Variants in ECI1 observed in about 807,000 individuals in gnomAD.
ECI1 encodes the protein enoyl-CoA delta isomerase 1, mitochondrial.
In ECI1, 34 loss-of-function variants were observed where a neutral mutation model predicts 34.2. The observed-to-expected ratio is 1.00, with a 90% CI of 0.76 to 1.33. ECI1 has a LOEUF of 1.33. ECI1 is among the 40% of genes most tolerant of loss of function. The probability of loss-of-function intolerance (pLI) is 0.00; values close to 1 mark genes in which losing one functional copy is unlikely to be tolerated. For missense variants in ECI1, 456 were observed against 422.2 expected, an observed-to-expected ratio of 1.08 and a Z score of -0.70; for synonymous variants, 211 against 193.0, an observed-to-expected ratio of 1.09 and a Z score of -0.77.
chr16:2,247,323 T>C (rs192398746), intron 2 of ECI1, among the ~76,000 whole-genome samples: 237 of 152,292 alleles, frequency 1.6e-3, no homozygotes, highest in Middle Eastern at 3.4e-3. Flanking sequence ...GCTCGATCTC[T>C]TGACCTCGCG....
chr16:2,243,480 T>C (rs2093533318), intron 4 of ECI1, 41 bp from the exon 5 acceptor site: 1 of 1,605,326 alleles, frequency 6.2e-7, no homozygotes, highest in Non-Finnish European at 8.5e-7. Flanking sequence ...GTGCTGCTGG[T>C]CCCAACCACA....
Position 2,239,573 on chromosome 16 carries a change from G to C in ECI1, c.*406C>G. 2 of 328,044 alleles carry C rather than the reference G, an allele frequency of 6.1e-6. No individual in the cohort carries two copies. Among genetic ancestry groups the C allele is most frequent in the Non-Finnish European group, 1.2e-5 (2 of 168,158 alleles). 20.3% of individuals were successfully genotyped at this position (328,044 alleles called of 1,614,324 possible). On this transcript the variant is annotated 3_prime_UTR_variant, in exon 7 of 7. Transcript: ENST00000301729. ...GGCAGTGACCAAAGGGCTTTTCCCT[G>C]GGGAGTTCTGTGTGGGTCATGGGGG...
chr16:2,244,555 G>T lies in ECI1; in HGVS notation c.295-3C>A. On this transcript the variant is annotated splice_region_variant and splice_polypyrimidine_tract_variant and intron_variant, in intron 3 of 6. Coordinates refer to ENST00000301729, the MANE Select transcript of ECI1 (RefSeq NM_001919.4). ...GCCGAGAAGACACCCGGGCGGTCCT[G>T]CAGGGGGAGCCGGGGCCACATGCCC... 6.3e-7 allele frequency: 1 copy of T among 1,579,130 alleles called. No individual in the cohort carries two copies. The highest frequency in any genetic ancestry group is 1.2e-5 in the South Asian group (1 of 86,518).
chr16:2,248,697 A>G lies in ECI1; in HGVS notation c.167-1711T>C, dbSNP rs535734403. Among the ~76,000 whole-genome samples the G allele has an allele frequency of 6.6e-5, 10 of 152,314 alleles. No homozygotes were observed. In the East Asian group the frequency reaches 1.9e-3, roughly 29 times the overall value. On this transcript the variant is annotated intron_variant, in intron 2 of 6. Transcript: ENST00000301729. ...CCAAAGTGATGTGATTATAGGTATGAGCCACTGTGCCCAGCCTAAATTAGC... is the reference window on the plus strand; with the variant it reads ...CCAAAGTGATGTGATTATAGGTATGGGCCACTGTGCCCAGCCTAAATTAGC...
chr16:2,242,913 C>A lies in ECI1; in HGVS notation c.742+133G>T. 3 of 744,652 alleles carry A rather than the reference C, an allele frequency of 4.0e-6. No homozygotes were observed. The South Asian group carries it at 4.7e-5, about 12-fold the overall frequency. 46.1% of individuals were successfully genotyped at this position (744,652 alleles called of 1,614,324 possible). A position where few individuals can be genotyped will look rare whatever the true frequency, so the allele number is the denominator to read the frequency against. ...CCCGGTCTGTGCTGCGTTGTTACAGCAGCCTCCTGACACCCACATGGCTGT... is the reference window on the plus strand; with the variant it reads ...CCCGGTCTGTGCTGCGTTGTTACAGAAGCCTCCTGACACCCACATGGCTGT... On this transcript the variant is annotated intron_variant, in intron 6 of 6. Transcript: ENST00000301729.
chr16:2,244,564 G>C lies in ECI1; in HGVS notation c.295-12C>G. ...ACACCCGGGCGGTCCTGCAGGGGGA[G>C]CCGGGGCCACATGCCCATCAGAGTC... On this transcript the variant is annotated splice_polypyrimidine_tract_variant and intron_variant, in intron 3 of 6. Transcript: ENST00000301729. 6.4e-7 allele frequency: 1 copy of C among 1,573,182 alleles called. No individual in the cohort carries two copies. The highest frequency in any genetic ancestry group is 1.2e-5 in the South Asian group (1 of 85,956).
In ECI1 at chr16:2,244,450, G is replaced by A; in HGVS notation, c.397C>T (p.Leu133=). 1 of 1,612,338 alleles carries A rather than the reference G, an allele frequency of 6.2e-7. No individual in the cohort carries two copies. Among genetic ancestry groups the A allele is most frequent in the Non-Finnish European group, 8.5e-7 (1 of 1,179,740 alleles). ...GYWKAVQELW[L]RLYQSNLVLV... is the part of the protein sequence containing the mutation. Reference sequence around the variant, plus strand: ...ACCAGGTTGGACTGGTACAACCGCAGCCACAGCTCCTGAACGGCCTTCCAG... The same window carrying A: ...ACCAGGTTGGACTGGTACAACCGCAACCACAGCTCCTGAACGGCCTTCCAG... The change falls in exon 4 of 7, where the codon CTG becomes TTG. Residue 133 remains leucine (L), a synonymous_variant. Coordinates refer to ENST00000301729, the MANE Select transcript of ECI1 (RefSeq NM_001919.4).
intron 4 of ECI1, chr16:2,244,011 G>A (rs972804902): frequency 2.9e-6 from 1 of 347,430 alleles, no homozygotes; most frequent in Non-Finnish European, 5.6e-6. Flanking sequence ...CACCCCGCAG[G>A]ACACCCTGGT....
rs2093532938 is a variant in ECI1 at position 2,243,388 on chromosome 16, T to G, written c.493A>C (p.Ile165Leu). The G allele has an allele frequency of 6.2e-7, 1 of 1,613,602 alleles. No individual in the cohort carries two copies. The highest frequency in any genetic ancestry group is 1.3e-5 in the African/African-American group (1 of 75,046). The change falls in exon 5 of 7, where the codon ATC (isoleucine) becomes CTC (leucine). Residue 165 changes from isoleucine to leucine, a missense_variant. Coordinates refer to ENST00000301729, the MANE Select transcript of ECI1 (RefSeq NM_001919.4). ...CAGTACCTGGGGTTGTCCGCCAGGATGCGGTAGTCACAGGTCAGGGCCACC... is the reference window on the plus strand; with the variant it reads ...CAGTACCTGGGGTTGTCCGCCAGGAGGCGGTAGTCACAGGTCAGGGCCACC... ...CLVALTCDYRILADNPRYCIG... is the reference protein window; with the variant it reads ...CLVALTCDYRLLADNPRYCIG...
At position 2,244,418 on chromosome 16, in the gene ECI1, G is replaced by GC; in HGVS notation, c.428_429insG (p.Ser144LeufsTer19). On this transcript the variant is annotated frameshift_variant, in exon 4 of 7. Transcript: ENST00000301729. LOFTEE classifies it high-confidence loss of function. ...TGGGGACACTCACGTTGATGGCGGA[G>GC]ACCAGCACCAGGTTGGACTGGTACA... is the stretch of plus-strand genomic sequence containing the variant. The GC allele has an allele frequency of 1.9e-6, 3 of 1,612,516 alleles. No homozygotes were observed. Among genetic ancestry groups the GC allele is most frequent in the Non-Finnish European group, 2.5e-6 (3 of 1,179,850 alleles).
chr16:2,251,467 T>C (rs915951596), intron 1 of ECI1, 38 bp from the exon 2 acceptor site: 1 of 1,536,708 alleles, frequency 6.5e-7, no homozygotes, highest in Non-Finnish European at 8.7e-7. Flanking sequence ...TAGTTCCCGG[T>C]CCTGGCCCCG....
chr16:2,244,592 C>A, intron 3 of ECI1, 40 bp from the exon 4 acceptor site: 1 of 1,558,142 alleles, frequency 6.4e-7, no homozygotes, highest in East Asian at 2.4e-5. Context: ...TCAGAGTCCA[C>A]CTCCCAGCTG....
intron 3 of ECI1, among the ~76,000 whole-genome samples, chr16:2,246,108 C>T (rs145601201): frequency 3.3e-5 from 5 of 152,280 alleles, no homozygotes; most frequent in East Asian, 1.9e-4. Flanking sequence ...AGCCAATGCC[C>T]GCTTCTCCTC....
intron 2 of ECI1, among the ~76,000 whole-genome samples, chr16:2,251,066 C>T (rs1397448535): frequency 1.3e-5 from 2 of 152,236 alleles, no homozygotes; most frequent in African/African-American, 4.8e-5. Flanking sequence ...GTGATCCGCC[C>T]GCCTCTGCCT....
At chr16:2,240,324 G>A (rs901280419) in intron 6 of ECI1, among the ~76,000 whole-genome samples, 179 bp from the exon 7 acceptor site, 3 of 151,908 alleles carry the variant, frequency 2.0e-5, no homozygotes, top group African/African-American at 7.3e-5. Flanking sequence ...TGATTCTCCT[G>A]CCTCAGCCTC....
intron 6 of ECI1, among the ~76,000 whole-genome samples, chr16:2,241,443 C>T (rs2093527987): frequency 6.6e-6 from 1 of 151,708 alleles, no homozygotes; most frequent in South Asian, 2.1e-4. Context: ...ATTACAGGTA[C>T]CTGCCCCCAC....
intron 6 of ECI1, 25 bp from the exon 7 acceptor site, chr16:2,240,170 G>A: frequency 2.5e-6 from 4 of 1,611,870 alleles, no homozygotes; most frequent in Non-Finnish European, 3.4e-6. Context: ...ACGTGCCACT[G>A]AAATCCCACT....
chr16:2,246,323 A>G (rs1360380009), intron 3 of ECI1, among the ~76,000 whole-genome samples: 1 of 152,186 alleles, frequency 6.6e-6, no homozygotes, highest in Non-Finnish European at 1.5e-5. Flanking sequence ...GAGCATGGGT[A>G]TTGTTCGCAG....
intron 4 of ECI1, chr16:2,244,108 A>G (rs965246039): frequency 8.2e-6 from 4 of 487,698 alleles, no homozygotes; most frequent in Non-Finnish European, 1.5e-5. Flanking sequence ...TGTGGGTCCG[A>G]TCACCCACTC....
Sources: allele counts gnomAD v4.1 joint callset (sites outside exome capture counted in the v4.1 genomes callset), GRCh38; gene constraint gnomAD v4.1.1; transcripts MANE v1.5; gene names NCBI Gene and HGNC (gene_info 2026-07-23, HGNC 2026-07-21).